The following ADAMTS3 variants were observed in gnomAD, a reference collection of about 807,000 sequenced individuals.
ADAMTS3 encodes the protein ADAM metallopeptidase with thrombospondin type 1 motif 3.
A neutral mutation model predicts 129.0 loss-of-function variants in ADAMTS3; 73 were observed. The observed-to-expected ratio is 0.57, with a 90% confidence interval of 0.47 to 0.69. The LOEUF (loss-of-function observed/expected upper bound fraction) is 0.69. ADAMTS3 is among the 30% of genes least tolerant of loss of function. The pLI, the probability that ADAMTS3 is intolerant of heterozygous loss-of-function variation, is 0.00. For synonymous variants in ADAMTS3, 477 were observed against 510.8 expected (o/e 0.93, Z 0.89); for missense variants, 1,457 against 1,514.5 (o/e 0.96, Z 0.63).
chr4:72,524,770 A>G (rs893849403), intron 3 of ADAMTS3, among the ~76,000 whole-genome samples: 5 of 152,172 alleles, frequency 3.3e-5, no homozygotes, highest in Non-Finnish European at 7.4e-5. Context: ...TTCATGAGGT[A>G]TATGGCAGCC....
intron 4 of ADAMTS3, among the ~76,000 whole-genome samples, chr4:72,393,734 G>A (rs1253795512): frequency 1.3e-5 from 2 of 152,068 alleles, no homozygotes; most frequent in Non-Finnish European, 2.9e-5. Context: ...TTATTAATAA[G>A]ATAGTATATA....
chr4:72,366,507 T>C (rs1720872453), intron 4 of ADAMTS3, among the ~76,000 whole-genome samples: 1 of 152,204 alleles, frequency 6.6e-6, no homozygotes, highest in Non-Finnish European at 1.5e-5. Flanking sequence ...TGATTATTTG[T>C]TTTCCCAAGC....
At chr4:72,424,025 A>G (rs910784499) in intron 3 of ADAMTS3, among the ~76,000 whole-genome samples, 7 of 152,046 alleles carry the variant, frequency 4.6e-5, no homozygotes, top group African/African-American at 1.4e-4. Flanking sequence ...TCAACTTTGT[A>G]TTACAATTAT....
intron 3 of ADAMTS3, among the ~76,000 whole-genome samples, chr4:72,520,226 T>G (rs1720624510): frequency 6.6e-6 from 1 of 152,182 alleles, no homozygotes; most frequent in Non-Finnish European, 1.5e-5. Context: ...TACCCGGCCG[T>G]GTGAGGTGTC....
Position 72,288,835 on chromosome 4 carries a change from T to C in ADAMTS3, c.2965A>G (p.Arg989Gly). Residue 989 changes from arginine (R) to glycine (G), a missense_variant, in exon 21 of 22, where the codon AGG (arginine) becomes GGG (glycine). Transcript: ENST00000286657. ...TCCCCAGCCCTGCAGAGGACCTGCC[T>C]CACCTCCGTTCCTTCACCGCAGGTC... The part of the protein sequence containing the change: ...SVTCGEGTEV[R>G]QVLCRAGDHC... 6.2e-7 allele frequency: 1 copy of C among 1,613,612 alleles called. No homozygotes were observed. Among genetic ancestry groups the C allele is most frequent in the Non-Finnish European group, 8.5e-7 (1 of 1,179,898 alleles).
chr4:72,310,373 C>T (rs553722206), intron 14 of ADAMTS3, among the ~76,000 whole-genome samples: 1 of 152,020 alleles, frequency 6.6e-6, no homozygotes, highest in Admixed American at 6.6e-5. Flanking sequence ...AAAAGCTGAA[C>T]AACACATACT....
intron 3 of ADAMTS3, among the ~76,000 whole-genome samples, chr4:72,521,138 C>G (rs970241321): frequency 6.6e-6 from 1 of 151,982 alleles, no homozygotes; most frequent in Non-Finnish European, 1.5e-5. Context: ...GCTGATACTA[C>G]AGGTTCCTGC....
At chr4:72,443,846 G>A (rs1241745018) in intron 3 of ADAMTS3, among the ~76,000 whole-genome samples, 1 of 151,600 alleles carries the variant, frequency 6.6e-6, no homozygotes, top group Non-Finnish European at 1.5e-5. Flanking sequence ...TGTGGTCATT[G>A]AAGTGTGTTC....
intron 3 of ADAMTS3, among the ~76,000 whole-genome samples, chr4:72,480,046 C>G (rs1719384354): frequency 6.6e-6 from 1 of 152,136 alleles, no homozygotes; most frequent in South Asian, 2.1e-4. Flanking sequence ...CAGGAAACAA[C>G]AGGTGCTAGA....
At chr4:72,291,285 T>C (rs1460290681) in intron 19 of ADAMTS3, among the ~76,000 whole-genome samples, 2 of 152,132 alleles carry the variant, frequency 1.3e-5, no homozygotes. Flanking sequence ...AGTTTTAGGG[T>C]ACATGTGCAC....
At position 72,282,173 on chromosome 4, in the gene ADAMTS3, A is replaced by ATAAC. The variant is rs1319561475; in HGVS notation, c.*959_*962dup. ...TTGCGATTATTACAGTACATTGAGT[A>ATAAC]TAACTGTTTGTATCTGTCAACAATG... On this transcript the variant is annotated 3_prime_UTR_variant, in exon 22 of 22. Transcript: ENST00000286657. 2 of 152,226 alleles carry ATAAC rather than the reference A, an allele frequency of 1.3e-5. No homozygotes were observed. Among genetic ancestry groups the ATAAC allele is most frequent in the African/African-American group, 4.8e-5 (2 of 41,464 alleles). 9.4% of individuals were successfully genotyped at this position (152,226 alleles called of 1,614,324 possible).
intron 3 of ADAMTS3, 115 bp downstream of exon 3, chr4:72,548,363 A>C (rs1578785136): frequency 8.8e-7 from 1 of 1,131,932 alleles, no homozygotes; most frequent in East Asian, 2.4e-5. Flanking sequence ...TTCTGAACTT[A>C]AAATGTAACA....
chr4:72,521,509 A>G (rs1005077639), intron 3 of ADAMTS3, among the ~76,000 whole-genome samples: 4 of 152,230 alleles, frequency 2.6e-5, no homozygotes, highest in Admixed American at 6.5e-5. Context: ...ATTAAAAAAC[A>G]TATAAAGTAT....
intron 4 of ADAMTS3, among the ~76,000 whole-genome samples, chr4:72,396,673 T>C (rs1247516084): frequency 1.3e-5 from 2 of 152,170 alleles, no homozygotes; most frequent in East Asian, 1.9e-4. Context: ...ACACATGACA[T>C]TACTTTTAAA....
intron 7 of ADAMTS3, 135 bp downstream of exon 7, chr4:72,320,579 A>C: frequency 1.1e-6 from 1 of 911,108 alleles, no homozygotes; most frequent in Non-Finnish European, 1.6e-6. Flanking sequence ...AGCAAAAGAA[A>C]GAAAATGTAT....
chr4:72,430,036 C>T (rs1361991058), intron 3 of ADAMTS3, among the ~76,000 whole-genome samples: 1 of 151,992 alleles, frequency 6.6e-6, no homozygotes, highest in East Asian at 1.9e-4. Context: ...GGCCTCAGGG[C>T]ATTTGAACCC....
intron 3 of ADAMTS3, among the ~76,000 whole-genome samples, chr4:72,418,824 A>G (rs1214185261): frequency 3.3e-5 from 5 of 152,190 alleles, no homozygotes; most frequent in African/African-American, 1.2e-4. Flanking sequence ...AACTGCACTC[A>G]TTACTTTGGC....
At position 72,282,200 on chromosome 4, in the gene ADAMTS3, G is replaced by A. The variant is rs759727952; in HGVS notation, c.*936C>T. 4 of 151,992 alleles carry A rather than the reference G, an allele frequency of 2.6e-5. No homozygotes were observed. Among genetic ancestry groups the A allele is most frequent in the African/African-American group, 4.8e-5 (2 of 41,372 alleles). The allele number at this position is 151,992 out of a possible 1,614,324, so 9.4% of individuals were successfully genotyped here. Reference sequence around the variant, plus strand: ...AACTGTTTGTATCTGTCAACAATGCGAAAATTAAAAAAGAACACACACACA... The same window carrying A: ...AACTGTTTGTATCTGTCAACAATGCAAAAATTAAAAAAGAACACACACACA... On this transcript the variant is annotated 3_prime_UTR_variant, in exon 22 of 22. Transcript: ENST00000286657.
intron 3 of ADAMTS3, among the ~76,000 whole-genome samples, chr4:72,547,794 G>A (rs1721503402): frequency 6.6e-6 from 1 of 152,156 alleles, no homozygotes; most frequent in East Asian, 1.9e-4. Flanking sequence ...CACATTAACT[G>A]TCAAAATTGC....
Sources: allele counts gnomAD v4.1 joint callset (sites outside exome capture counted in the v4.1 genomes callset), GRCh38; gene constraint gnomAD v4.1.1; transcripts MANE v1.5; gene names NCBI Gene and HGNC (gene_info 2026-07-23, HGNC 2026-07-21).